Variants in LRFN2 observed in about 807,000 individuals in gnomAD.
LRFN2 encodes leucine-rich repeat and fibronectin type-III domain-containing protein 2.
In LRFN2, 18 loss-of-function variants were observed where a neutral mutation model predicts 37.3. The observed-to-expected ratio is 0.48, with a 90% CI of 0.33 to 0.72. The LOEUF is 0.72. Among genes scored for constraint, LRFN2 ranks in the 30% least tolerant of loss-of-function variants. The probability of loss-of-function intolerance (pLI) is 0.02; values close to 1 mark genes in which losing one functional copy is unlikely to be tolerated. For missense variants in LRFN2, 1,006 were observed against 1,060.7 expected, an observed-to-expected ratio of 0.95 and a Z score of 0.72; for synonymous variants, 556 against 466.6, an observed-to-expected ratio of 1.19 and a Z score of -2.47.
intron 2 of LRFN2, among the ~76,000 whole-genome samples, chr6:40,408,185 G>T (rs1762889007): frequency 6.6e-6 from 1 of 152,184 alleles, no homozygotes; most frequent in Non-Finnish European, 1.5e-5. Context: ...TGTATTTAGT[G>T]CCAGTGAACT....
At chr6:40,499,973 T>C (rs1308405162) in intron 1 of LRFN2, among the ~76,000 whole-genome samples, 2 of 152,242 alleles carry the variant, frequency 1.3e-5, no homozygotes, top group Admixed American at 6.5e-5. Context: ...TGTATTTCAA[T>C]AGAGGAAGCT....
chr6:40,491,302 C>T (rs1403870894), intron 1 of LRFN2, among the ~76,000 whole-genome samples: 1 of 152,224 alleles, frequency 6.6e-6, no homozygotes, highest in African/African-American at 2.4e-5. Context: ...GGGTGCCCAT[C>T]TTAGAGTGCA....
rs555575492 is a variant in LRFN2 at position 40,417,078 on chromosome 6, T to C, written c.1400+14636A>G. On this transcript the variant is annotated intron_variant, in intron 2 of 2. Transcript: ENST00000338305. ...GCCCCCGGCCCCTGAGGGAAGAGACTGCTGAGCACCAGCCAAGCCAACCCA... is the reference window on the plus strand; with the variant it reads ...GCCCCCGGCCCCTGAGGGAAGAGACCGCTGAGCACCAGCCAAGCCAACCCA... Among the ~76,000 whole-genome samples the C allele has an allele frequency of 1.0e-3, 152 of 152,286 alleles. 1 individual carries two copies. Among genetic ancestry groups the C allele is most frequent in the African/African-American group, 3.4e-3 (140 of 41,580 alleles).
At chr6:40,565,583 T>TA (rs1328242531) in intron 1 of LRFN2, among the ~76,000 whole-genome samples, 1 of 152,172 alleles carries the variant, frequency 6.6e-6, no homozygotes, top group Admixed American at 6.5e-5. Context: ...TATTGCCACC[T>TA]ATCTACAACC....
At chr6:40,570,457 A>G (rs1485126271) in intron 1 of LRFN2, among the ~76,000 whole-genome samples, 1 of 152,234 alleles carries the variant, frequency 6.6e-6, no homozygotes, top group Non-Finnish European at 1.5e-5. Flanking sequence ...AGAGTCACAC[A>G]GCACTGAGTT....
At chr6:40,460,162 G>A (rs9380959) in intron 1 of LRFN2, among the ~76,000 whole-genome samples, 39,890 of 151,994 alleles carry the variant, frequency 0.26, 6,106 homozygotes, top group Middle Eastern at 0.41. Flanking sequence ...TCCTTCCGGA[G>A]GCTCCTACTG....
At chr6:40,420,073 C>G (rs1305942423) in intron 2 of LRFN2, among the ~76,000 whole-genome samples, 1 of 152,222 alleles carries the variant, frequency 6.6e-6, no homozygotes, top group Non-Finnish European at 1.5e-5. Flanking sequence ...TGGATCAGCA[C>G]TCTTAACCAC....
intron 1 of LRFN2, among the ~76,000 whole-genome samples, chr6:40,553,505 G>A (rs1280910340): frequency 1.3e-5 from 2 of 152,160 alleles, no homozygotes. Flanking sequence ...GTGAAGGATG[G>A]CACTTCTGGA....
Position 40,432,626 on chromosome 6 carries a change from C to A in LRFN2, c.488G>T (p.Gly163Val), listed in dbSNP as rs1381444388. The A allele has an allele frequency of 1.9e-6, 3 of 1,614,082 alleles. No homozygotes were observed. Among genetic ancestry groups the A allele is most frequent in the Non-Finnish European group, 2.5e-6 (3 of 1,180,048 alleles). The part of the protein sequence containing the change: ...DLDLSYNNLH[G>V]LPWDSVRRMV... Reference sequence around the variant, plus strand: ...GCGTCGCACGGAGTCCCACGGCAGGCCATGGAGGTTGTTGTAGGAGAGGTC... The same window carrying A: ...GCGTCGCACGGAGTCCCACGGCAGGACATGGAGGTTGTTGTAGGAGAGGTC... The change falls in exon 2 of 3, where the codon GGC becomes GTC. Residue 163 changes from glycine to valine, a missense_variant. Transcript: ENST00000338305.
chr6:40,518,275 C>A (rs563061737), intron 1 of LRFN2, among the ~76,000 whole-genome samples: 1 of 152,150 alleles, frequency 6.6e-6, no homozygotes, highest in Non-Finnish European at 1.5e-5. Context: ...TTATTCTGTT[C>A]CCTGCTCTCT....
intron 1 of LRFN2, among the ~76,000 whole-genome samples, chr6:40,527,288 G>T (rs1353783530): frequency 6.6e-6 from 1 of 152,176 alleles, no homozygotes; most frequent in East Asian, 1.9e-4. Flanking sequence ...CCAAAGTCAT[G>T]CCAGAGAAAG....
At chr6:40,420,207 C>T (rs772977678) in intron 2 of LRFN2, among the ~76,000 whole-genome samples, 7 of 152,210 alleles carry the variant, frequency 4.6e-5, no homozygotes, top group Non-Finnish European at 7.3e-5. Flanking sequence ...GCTGCATGGC[C>T]CTGCATTCAC....
chr6:40,584,395 C>G (rs969494481), intron 1 of LRFN2, among the ~76,000 whole-genome samples: 1 of 152,212 alleles, frequency 6.6e-6, no homozygotes, highest in Non-Finnish European at 1.5e-5. Flanking sequence ...CCCAGGCCAC[C>G]CAAGTTGAGG....
chr6:40,500,372 G>C (rs565040148), intron 1 of LRFN2, among the ~76,000 whole-genome samples: 2 of 152,250 alleles, frequency 1.3e-5, no homozygotes, highest in Non-Finnish European at 2.9e-5. Context: ...TGGCTTCAGA[G>C]CCTCAGATCT....
At chr6:40,471,020 C>T (rs78881643) in intron 1 of LRFN2, among the ~76,000 whole-genome samples, 2,720 of 152,174 alleles carry the variant, frequency 0.018, 81 homozygotes, top group African/African-American at 0.062. Context: ...GTTGGTACAT[C>T]GGGGTGTGTC....
At chr6:40,430,202 A>G (rs1210768654) in intron 2 of LRFN2, among the ~76,000 whole-genome samples, 1 of 152,202 alleles carries the variant, frequency 6.6e-6, no homozygotes, top group Non-Finnish European at 1.5e-5. Context: ...TGCTATCCAG[A>G]CCAGGCCAGC....
At chr6:40,431,603 G>T in intron 2 of LRFN2, 111 bp downstream of exon 2, 1 of 906,212 alleles carries the variant, frequency 1.1e-6, no homozygotes, top group Non-Finnish European at 1.6e-6. Context: ...AATCCCCACA[G>T]ACACCTTTGG....
intron 1 of LRFN2, among the ~76,000 whole-genome samples, chr6:40,443,376 C>G (rs1476966900): frequency 1.3e-5 from 2 of 152,206 alleles, no homozygotes; most frequent in East Asian, 3.9e-4. Context: ...AATAGGCTGC[C>G]CTAACTCACA....
At chr6:40,488,995 G>A (rs1244973340) in intron 1 of LRFN2, among the ~76,000 whole-genome samples, 1 of 152,206 alleles carries the variant, frequency 6.6e-6, no homozygotes, top group African/African-American at 2.4e-5. Flanking sequence ...CTTTCAAGGT[G>A]TTGGCGTAAA....
Sources: allele counts gnomAD v4.1 joint callset (sites outside exome capture counted in the v4.1 genomes callset), GRCh38; gene constraint gnomAD v4.1.1; transcripts MANE v1.5; gene names NCBI Gene and HGNC (gene_info 2026-07-23, HGNC 2026-07-21).